Variants in PKD1L1 observed in about 807,000 individuals in gnomAD.
PKD1L1 encodes polycystin-1-like protein 1.
In PKD1L1, 236 loss-of-function variants were observed where a neutral mutation model predicts 323.4. The observed-to-expected ratio is 0.73, with a 90% CI of 0.66 to 0.81. The LOEUF is 0.81. PKD1L1 is among the 40% of genes least tolerant of loss of function. The pLI is 0.00. For missense variants in PKD1L1, 3,320 were observed against 3,508.0 expected, an observed-to-expected ratio of 0.95 and a Z score of 1.35; for synonymous variants, 1,344 against 1,335.0, an observed-to-expected ratio of 1.01 and a Z score of -0.15.
At chr7:47,893,254 A>G (rs1786862035) in intron 15 of PKD1L1, among the ~76,000 whole-genome samples, 1 of 148,206 alleles carries the variant, frequency 6.7e-6, no homozygotes, top group African/African-American at 2.5e-5. Context: ...AAAAAAAAAA[A>G]GAGAAAGAAG....
intron 46 of PKD1L1, among the ~76,000 whole-genome samples, chr7:47,818,634 C>T (rs1426550667): frequency 6.6e-6 from 1 of 152,090 alleles, no homozygotes; most frequent in African/African-American, 2.4e-5. Context: ...AGGTAGTGAA[C>T]CAAATGAGCC....
At position 47,937,949 on chromosome 7, in the gene PKD1L1, C is replaced by T. The variant is rs78812372; in HGVS notation, c.286-991G>A. ...CACCAGGAAAGCAGGGAGGTGCCCA[C>T]GGCACAGGAGGAGGGGGGACACTTT... On this transcript the variant is annotated intron_variant, in intron 3 of 56. Coordinates refer to ENST00000289672, the MANE Select transcript of PKD1L1 (RefSeq NM_138295.5). Among the ~76,000 whole-genome samples, 935 of 152,156 alleles carry T rather than the reference C, an allele frequency of 6.1e-3. 5 individuals are homozygous for T. Among genetic ancestry groups the T allele is most frequent in the Non-Finnish European group, 9.1e-3 (620 of 67,984 alleles).
intron 21 of PKD1L1, among the ~76,000 whole-genome samples, chr7:47,879,119 C>T (rs1252586773): frequency 3.3e-5 from 5 of 152,152 alleles, no homozygotes; most frequent in African/African-American, 4.8e-5. Flanking sequence ...AAATGCTAAA[C>T]GTGGAAGGGG....
chr7:47,882,231 A>G lies in PKD1L1; in HGVS notation c.3266-146T>C. On this transcript the variant is annotated intron_variant, in intron 19 of 56. Coordinates refer to ENST00000289672, the MANE Select transcript of PKD1L1 (RefSeq NM_138295.5). ...AATATAATGTCTTCAGCAGCCAAAC[A>G]TATTCAAGACATGTACTTTGTTAAC... The G allele has an allele frequency of 3.5e-6, 3 of 860,658 alleles. No individual in the cohort carries two copies. The South Asian group carries it at 5.1e-5, about 15-fold the overall frequency. 53.3% of individuals were successfully genotyped at this position (860,658 alleles called of 1,614,324 possible). A position where few individuals can be genotyped will look rare whatever the true frequency, so the allele number is the denominator to read the frequency against.
chr7:47,888,231 T>A (rs937985678), intron 16 of PKD1L1, 81 bp from the exon 17 acceptor site: 1 of 1,400,700 alleles, frequency 7.1e-7, no homozygotes, highest in Non-Finnish European at 9.9e-7. Flanking sequence ...TTAGGCATGT[T>A]TAAATCACCC....
In PKD1L1 at chr7:47,929,431, G is replaced by T; in HGVS notation, c.833C>A (p.Pro278His). Residue 278 changes from proline to histidine, a missense_variant, in exon 7 of 57, where the codon CCT becomes CAT. Physicochemically the swap from Pro to His is moderately conservative, Grantham distance 77. Coordinates refer to ENST00000289672, the MANE Select transcript of PKD1L1 (RefSeq NM_138295.5). The stretch of plus-strand genomic sequence containing the variant: ...AGAATTTCGAGCTAGGATGGCCACA[G>T]GAGGATGCTGAGTAGGGGGATAGAG... ...EILYPPTQHP[P>H]VAILARNSDN... 1 of 1,614,120 alleles carries T rather than the reference G, an allele frequency of 6.2e-7. No individual in the cohort carries two copies. The highest frequency in any genetic ancestry group is 8.5e-7 in the Non-Finnish European group (1 of 1,179,954).
chr7:47,932,063 G>A lies in PKD1L1; in HGVS notation c.399-7C>T. ...GAAAGGTTTGTGGGGAATTCTGTAT[G>A]GGAAGGAAAGTGCAGAAAGAAAAGG... On this transcript the variant is annotated splice_region_variant and splice_polypyrimidine_tract_variant and intron_variant, in intron 4 of 56. Coordinates refer to ENST00000289672, the MANE Select transcript of PKD1L1 (RefSeq NM_138295.5). 1 of 1,598,986 alleles carries A rather than the reference G, an allele frequency of 6.3e-7. No individual in the cohort carries two copies. The highest frequency in any genetic ancestry group is 8.5e-7 in the Non-Finnish European group (1 of 1,172,494).
chr7:47,893,894 G>A lies in PKD1L1; in HGVS notation c.2437C>T (p.Pro813Ser). ...RGTQSFDPDD[P>S]GATLRYHWEC... ...GGTGCTCACCTGAGAGTCGCCCCAG[G>A]GTCGTCAGGGTCGAAGGACTGGGTC... Residue 813 changes from proline to serine, a missense_variant, in exon 15 of 57, where the codon CCT (proline) becomes TCT (serine). By Grantham distance (74) the Pro-to-Ser change is moderately conservative (BLOSUM62 -1). Coordinates refer to ENST00000289672, the MANE Select transcript of PKD1L1 (RefSeq NM_138295.5). 1 of 1,613,540 alleles carries A rather than the reference G, an allele frequency of 6.2e-7. No homozygotes were observed. The highest frequency in any genetic ancestry group is 8.5e-7 in the Non-Finnish European group (1 of 1,179,872).
intron 46 of PKD1L1, chr7:47,819,559 T>G: frequency 7.3e-7 from 1 of 1,363,860 alleles, no homozygotes; most frequent in East Asian, 4.6e-5. Flanking sequence ...AGCTGAAAAG[T>G]TGGTCATGGA....
chr7:47,774,969 C>A lies in PKD1L1; in HGVS notation c.*174G>T. ...GAGTAACAGTCTGATGACAGATAAA[C>A]CTTGATTTTCATCCTGGTTTCCCAT... On this transcript the variant is annotated 3_prime_UTR_variant, in exon 57 of 57. Coordinates refer to ENST00000289672, the MANE Select transcript of PKD1L1 (RefSeq NM_138295.5). 1 of 693,234 alleles carries A rather than the reference C, an allele frequency of 1.4e-6. No individual in the cohort carries two copies. The highest frequency in any genetic ancestry group is 2.6e-6 in the Non-Finnish European group (1 of 391,896). The allele number at this position is 693,234 out of a possible 1,614,324, so 42.9% of individuals were successfully genotyped here.
chr7:47,917,995 G>A lies in PKD1L1; in HGVS notation c.1061-2396C>T, dbSNP rs142685217. 2.3e-3 allele frequency among the ~76,000 whole-genome samples: 350 copies of A among 152,106 alleles called. 1 individual carries two copies. The highest frequency in any genetic ancestry group is 8.0e-3 in the African/African-American group (332 of 41,512). ...TGGTACCTCACATCTCGATACTAAC[G>A]TTGAATGTAAATGACCTAAATGCTC... On this transcript the variant is annotated intron_variant, in intron 7 of 56. Transcript: ENST00000289672.
At chr7:47,889,479 G>GTA (rs1786760804) in intron 16 of PKD1L1, among the ~76,000 whole-genome samples, 1 of 152,142 alleles carries the variant, frequency 6.6e-6, no homozygotes, top group Non-Finnish European at 1.5e-5. Context: ...GTCGGGGCCT[G>GTA]TGGGGCTCCC....
At chr7:47,949,715 C>A (rs765192412), upstream of PKD1L1, among the ~76,000 whole-genome samples, 10 of 152,216 alleles carry the variant, frequency 6.6e-5, no homozygotes, top group Non-Finnish European at 1.2e-4. Flanking sequence ...TTTCTCTCCA[C>A]TCTGAAGAGA....
chr7:47,816,006 G>T (rs535191546), intron 46 of PKD1L1, among the ~76,000 whole-genome samples: 117 of 152,302 alleles, frequency 7.7e-4, no homozygotes, highest in African/African-American at 2.7e-3. Context: ...AGGCAGAGGG[G>T]ACGGCGAGGG....
At position 47,853,115 on chromosome 7, in the gene PKD1L1, C is replaced by T. The variant is rs1785817616; in HGVS notation, c.4960+12G>A. ...AAACAGAAAGGGAAAATAAGGCGCC[C>T]TGTTCACTGACCTTTCTGAGAAGCA... On this transcript the variant is annotated intron_variant, in intron 31 of 56. Coordinates refer to ENST00000289672, the MANE Select transcript of PKD1L1 (RefSeq NM_138295.5). 1.3e-6 allele frequency: 2 copies of T among 1,576,174 alleles called. No individual in the cohort carries two copies. The highest frequency in any genetic ancestry group is 2.2e-5 in the East Asian group (1 of 44,660).
At chr7:47,823,117 G>A (rs757504157) in intron 45 of PKD1L1, among the ~76,000 whole-genome samples, 2 of 152,062 alleles carry the variant, frequency 1.3e-5, no homozygotes, top group African/African-American at 4.8e-5. Context: ...AGGTGTGATC[G>A]GAGAGGACAT....
At chr7:47,872,401 T>C (rs1249899702) in intron 24 of PKD1L1, among the ~76,000 whole-genome samples, 1 of 152,178 alleles carries the variant, frequency 6.6e-6, no homozygotes, top group Non-Finnish European at 1.5e-5. Context: ...ACTACTAAAC[T>C]ATAATAATCA....
At chr7:47,952,798 G>C (rs569798184), upstream of PKD1L1, among the ~76,000 whole-genome samples, 2 of 152,314 alleles carry the variant, frequency 1.3e-5, no homozygotes, top group African/African-American at 4.8e-5. Context: ...TGTCAAGTTA[G>C]AAAAGACAAA....
chr7:47,897,866 T>C (rs1412812188), intron 14 of PKD1L1, 122 bp downstream of exon 14: 1 of 720,890 alleles, frequency 1.4e-6, no homozygotes, highest in Admixed American at 3.6e-5. Flanking sequence ...TTTTTTTTTT[T>C]AAACAACCTC....
Sources: gnomAD v4.1 joint callset for allele counts (sites outside exome capture counted in the v4.1 genomes callset) on GRCh38, gnomAD v4.1.1 for gene constraint, MANE v1.5 for transcripts, NCBI Gene and HGNC (gene_info 2026-07-23, HGNC 2026-07-21) for gene names.